LRP1B: variants seen among roughly 807,000 people sequenced by gnomAD.
LRP1B encodes low-density lipoprotein receptor-related protein 1B.
A neutral mutation model predicts 556.6 loss-of-function variants in LRP1B; 217 were observed. The observed-to-expected ratio is 0.39, with a 90% confidence interval of 0.35 to 0.44. The LOEUF is 0.44. LRP1B is among the 20% of genes least tolerant of loss of function. The pLI is 1.00. For missense variants in LRP1B, 5,053 were observed against 5,620.8 expected, an observed-to-expected ratio of 0.90 and a Z score of 3.23; for synonymous variants, 2,047 against 1,865.8, an observed-to-expected ratio of 1.10 and a Z score of -2.50.
intron 3 of LRP1B, among the ~76,000 whole-genome samples, chr2:141,406,977 G>A (rs1018920228): frequency 2.0e-5 from 3 of 151,862 alleles, no homozygotes; most frequent in African/African-American, 7.3e-5. Flanking sequence ...GCATTTTAAG[G>A]GCATTTTAGA....
intron 2 of LRP1B, among the ~76,000 whole-genome samples, chr2:141,754,484 C>T (rs946846049): frequency 5.3e-5 from 8 of 152,142 alleles, no homozygotes; most frequent in Admixed American, 2.0e-4. Context: ...AAAATACCTA[C>T]TTACCAATGC....
intron 1 of LRP1B, among the ~76,000 whole-genome samples, chr2:142,014,894 G>C (rs564542633): frequency 2.6e-4 from 40 of 152,178 alleles, no homozygotes; most frequent in African/African-American, 9.1e-4. Context: ...CTGACCCCTG[G>C]TGAAATCTGA....
At chr2:140,866,575 A>C (rs2105150958) in intron 27 of LRP1B, among the ~76,000 whole-genome samples, 1 of 152,242 alleles carries the variant, frequency 6.6e-6, no homozygotes, top group East Asian at 1.9e-4. Context: ...TCAATTATGT[A>C]AGAAAATAGA....
intron 3 of LRP1B, among the ~76,000 whole-genome samples, chr2:141,357,994 C>T: frequency 6.6e-6 from 1 of 152,160 alleles, no homozygotes; most frequent in Admixed American, 6.5e-5. Flanking sequence ...CAGGAACCTT[C>T]TTCAAAGACA....
chr2:141,122,339 T>C (rs1446759281), intron 7 of LRP1B, among the ~76,000 whole-genome samples: 3 of 151,706 alleles, frequency 2.0e-5, no homozygotes, highest in Non-Finnish European at 2.9e-5. Context: ...AGAAAATTTT[T>C]GCAATCTACT....
chr2:142,023,313 T>C (rs1370469787), intron 1 of LRP1B, among the ~76,000 whole-genome samples: 1 of 152,192 alleles, frequency 6.6e-6, no homozygotes, highest in African/African-American at 2.4e-5. Context: ...TCCACATATT[T>C]TCTCATTTAT....
Position 140,291,318 on chromosome 2 carries a change from A to ATATATATATTT in LRP1B, c.12967+6489_12967+6490insAAATATATATA, listed in dbSNP as rs369391920. Among the ~76,000 whole-genome samples, 74 of 109,320 alleles carry ATATATATATTT rather than the reference A, an allele frequency of 6.8e-4. 2 individuals carry two copies. The highest frequency in any genetic ancestry group is 1.8e-3 in the African/African-American group (62 of 33,814). 71.7% of individuals were successfully genotyped at this position (109,320 alleles called of 152,430 possible). On this transcript the variant is annotated intron_variant, in intron 84 of 90. Transcript: ENST00000389484. Reference sequence around the variant, plus strand: ...TTATTTTATATATATATATATATATATTTTTATTATACTTTAAGTTCTAGG... The same window carrying ATATATATATTT: ...TTATTTTATATATATATATATATATATATATATATTTTTTTTATTATACTTTAAGTTCTAGG...
chr2:141,938,207 A>C (rs1034107712), intron 1 of LRP1B, among the ~76,000 whole-genome samples: 6 of 152,158 alleles, frequency 3.9e-5, no homozygotes, highest in African/African-American at 1.4e-4. Context: ...CCATATATCT[A>C]ATAAGGGGTT....
At chr2:141,964,730 C>A (rs1221549723) in intron 1 of LRP1B, among the ~76,000 whole-genome samples, 8 of 151,594 alleles carry the variant, frequency 5.3e-5, no homozygotes, top group East Asian at 3.9e-4. Flanking sequence ...GCAACCAAAG[C>A]CAAAATTGAC....
intron 2 of LRP1B, among the ~76,000 whole-genome samples, chr2:141,634,978 G>C (rs557398962): frequency 6.6e-6 from 1 of 151,378 alleles, no homozygotes; most frequent in South Asian, 2.1e-4. Context: ...TATCCCTAAG[G>C]ATTTAAAGAG....
At chr2:141,211,112 C>T (rs543500756) in intron 6 of LRP1B, among the ~76,000 whole-genome samples, 6 of 152,006 alleles carry the variant, frequency 3.9e-5, no homozygotes, top group South Asian at 4.2e-4. Flanking sequence ...TACAGCTTCC[C>T]GAGTAGCTGG....
chr2:141,471,268 A>ATGTTTTTTTTTT (rs1553518973), intron 3 of LRP1B, among the ~76,000 whole-genome samples: 4 of 31,902 alleles, frequency 1.3e-4, no homozygotes, highest in African/African-American at 2.2e-4. Flanking sequence ...ATACCCTGGT[A>ATGTTTTTTTTTT]TTTTTTTTTT....
chr2:141,083,774 T>C (rs1209878256), intron 7 of LRP1B, among the ~76,000 whole-genome samples: 1 of 152,182 alleles, frequency 6.6e-6, no homozygotes, highest in Admixed American at 6.5e-5. Context: ...TCTGATGCCC[T>C]GTGCCACCTC....
chr2:142,085,075 G>T (rs1192616542), intron 1 of LRP1B, among the ~76,000 whole-genome samples: 1 of 152,086 alleles, frequency 6.6e-6, no homozygotes, highest in African/African-American at 2.4e-5. Flanking sequence ...TCCACTCCAC[G>T]TTAAAATTTA....
chr2:141,085,633 C>T (rs74268835), intron 7 of LRP1B, among the ~76,000 whole-genome samples: 5,216 of 152,182 alleles, frequency 0.034, 260 homozygotes, highest in East Asian at 0.14. Flanking sequence ...CGTGACAAAA[C>T]GAATTTCTGT....
chr2:140,774,199 T>A, intron 33 of LRP1B, among the ~76,000 whole-genome samples: 1 of 152,094 alleles, frequency 6.6e-6, no homozygotes, highest in African/African-American at 2.4e-5. Flanking sequence ...TACAGATGCT[T>A]TTATCAGCAT....
At chr2:141,109,554 A>T (rs1424744024) in intron 7 of LRP1B, among the ~76,000 whole-genome samples, 2 of 152,192 alleles carry the variant, frequency 1.3e-5, no homozygotes, top group Non-Finnish European at 2.9e-5. Context: ...GGAGGACTCA[A>T]ACATAGTATA....
intron 2 of LRP1B, among the ~76,000 whole-genome samples, chr2:141,584,984 T>C (rs1032482338): frequency 1.3e-5 from 2 of 152,120 alleles, no homozygotes; most frequent in African/African-American, 4.8e-5. Flanking sequence ...TCACAAAAAA[T>C]GTGAATATAT....
chr2:140,607,654 CACACAT>C (rs56261229), intron 41 of LRP1B, among the ~76,000 whole-genome samples: 33,436 of 137,758 alleles, frequency 0.24, 3,997 homozygotes, highest in Admixed American at 0.33. Context: ...CACACACACA[CACACAT>C]AGACGTGTGT....
Sources: allele counts gnomAD v4.1 joint callset (sites outside exome capture counted in the v4.1 genomes callset), GRCh38; gene constraint gnomAD v4.1.1; transcripts MANE v1.5; gene names NCBI Gene and HGNC (gene_info 2026-07-23, HGNC 2026-07-21).